The following ADAMTS2 variants were observed in gnomAD, a reference collection of about 807,000 sequenced individuals.
ADAMTS2 encodes the protein ADAM metallopeptidase with thrombospondin type 1 motif 2.
Under a neutral mutation model 123.0 loss-of-function variants are expected in ADAMTS2, and 50 were observed. That is an observed-to-expected ratio of 0.41 (90% confidence interval 0.32 to 0.51). ADAMTS2 has a LOEUF of 0.51. Ranked by LOEUF, ADAMTS2 falls within the 20% of genes least tolerant of loss-of-function variation. The pLI is 0.35. For synonymous variants in ADAMTS2, 678 were observed against 695.4 expected, an observed-to-expected ratio of 0.98 and a Z score of 0.39; for missense variants, 1,494 against 1,705.2, an observed-to-expected ratio of 0.88 and a Z score of 2.18.
chr5:179,318,296 T>C (rs528794825), intron 2 of ADAMTS2, among the ~76,000 whole-genome samples: 2 of 152,216 alleles, frequency 1.3e-5, no homozygotes, highest in Non-Finnish European at 2.9e-5. Context: ...ATTAATTAAA[T>C]GCGCTGCCGC....
At chr5:179,125,963 C>T in intron 18 of ADAMTS2, 35 bp downstream of exon 18, 1 of 1,612,808 alleles carries the variant, frequency 6.2e-7, no homozygotes, top group Non-Finnish European at 8.5e-7. Context: ...CCTGGCCTGT[C>T]TCCTCTAGTG....
At chr5:179,300,853 G>C (rs537129057) in intron 2 of ADAMTS2, among the ~76,000 whole-genome samples, 1 of 152,234 alleles carries the variant, frequency 6.6e-6, no homozygotes, top group East Asian at 1.9e-4. Context: ...CCAGCAGACA[G>C]ATAAACCGTT....
At chr5:179,320,884 C>T (rs926092744) in intron 2 of ADAMTS2, among the ~76,000 whole-genome samples, 6 of 152,142 alleles carry the variant, frequency 3.9e-5, no homozygotes, top group Admixed American at 3.9e-4. Context: ...GCAGCAGCTG[C>T]CTGCATCCAT....
At chr5:179,176,216 A>G (rs898505651) in intron 5 of ADAMTS2, among the ~76,000 whole-genome samples, 2 of 152,134 alleles carry the variant, frequency 1.3e-5, no homozygotes, top group African/African-American at 4.8e-5. Flanking sequence ...GGGGATCTGG[A>G]AAAGGAGGAG....
intron 10 of ADAMTS2, among the ~76,000 whole-genome samples, chr5:179,143,250 A>G (rs1367234318): frequency 1.3e-5 from 2 of 152,174 alleles, no homozygotes; most frequent in Admixed American, 1.3e-4. Context: ...CCTGGCCAAC[A>G]TGGTGAAACC....
At chr5:179,207,848 G>A (rs921003276) in intron 3 of ADAMTS2, 133 bp from the exon 4 acceptor site, 26 of 804,534 alleles carry the variant, frequency 3.2e-5, no homozygotes, top group African/African-American at 2.9e-4. Flanking sequence ...CCATTTTACA[G>A]AGGAAAGCGA....
intron 3 of ADAMTS2, among the ~76,000 whole-genome samples, chr5:179,255,200 T>C (rs1437887722): frequency 6.6e-6 from 1 of 152,070 alleles, no homozygotes; most frequent in South Asian, 2.1e-4. Flanking sequence ...GATAGATGAA[T>C]GGATGGACGG....
intron 3 of ADAMTS2, among the ~76,000 whole-genome samples, chr5:179,212,849 C>G (rs1266502848): frequency 6.6e-6 from 1 of 152,042 alleles, no homozygotes; most frequent in Non-Finnish European, 1.5e-5. Context: ...CTAAGGGTGG[C>G]TGGGTGTTCG....
At chr5:179,255,869 G>T (rs1297374992) in intron 3 of ADAMTS2, among the ~76,000 whole-genome samples, 7 of 152,176 alleles carry the variant, frequency 4.6e-5, no homozygotes, top group Non-Finnish European at 2.9e-5. Context: ...GGGCAGCCCT[G>T]GAGTGTGTGA....
intron 4 of ADAMTS2, among the ~76,000 whole-genome samples, chr5:179,200,244 CTTTTTTTTTTTTTT>C (rs1051856642): frequency 1.1e-4 from 11 of 103,694 alleles, no homozygotes; most frequent in Admixed American, 6.8e-4. Context: ...CCTTTCTTTC[CTTTTTTTTTTTTTT>C]TTTTTTTTGA....
intron 5 of ADAMTS2, among the ~76,000 whole-genome samples, chr5:179,177,300 A>G (rs1281012699): frequency 6.6e-6 from 1 of 152,216 alleles, no homozygotes; most frequent in Admixed American, 6.5e-5. Context: ...TTTATACATT[A>G]TTCAATTAAA....
In ADAMTS2 at chr5:179,203,971, A is replaced by C. The variant is rs1361884868; in HGVS notation, c.891+3542T>G. 3.9e-5 allele frequency among the ~76,000 whole-genome samples: 6 copies of C among 152,218 alleles called. No homozygotes were observed. The East Asian group carries it at 1.2e-3, about 29-fold the overall frequency. On this transcript the variant is annotated intron_variant, in intron 4 of 21. Transcript: ENST00000251582. ...AGTGCCCATGGATGGCTGGATAAAC[A>C]AAATGTGGCCGATCCACCCACACAC...
intron 21 of ADAMTS2, 197 bp downstream of exon 21, chr5:179,121,452 CAGCAGAGGCCCG>C: frequency 2.5e-6 from 1 of 400,246 alleles, no homozygotes; most frequent in Non-Finnish European, 4.5e-6. Flanking sequence ...GGTTCGGCCC[CAGCAGAGGCCCG>C]AGCCCCCGCC....
chr5:179,207,472 C>CCCCA, intron 4 of ADAMTS2, 41 bp downstream of exon 4: 18 of 925,660 alleles, frequency 1.9e-5, no homozygotes, highest in East Asian at 1.0e-4. Context: ...CCCTGGTTGA[C>CCCCA]CCTCCCCGCC....
chr5:179,336,091 G>A (rs533323562), intron 2 of ADAMTS2, among the ~76,000 whole-genome samples: 1 of 152,244 alleles, frequency 6.6e-6, no homozygotes, highest in Admixed American at 6.5e-5. Flanking sequence ...GCACAGAGCT[G>A]GTGAAGGCTG....
chr5:179,151,314 C>T (rs1261419584), intron 10 of ADAMTS2: 1 of 158,122 alleles, frequency 6.3e-6, no homozygotes, highest in African/African-American at 2.4e-5. Flanking sequence ...CAAGGATGGG[C>T]CTGGGAATTT....
intron 10 of ADAMTS2, among the ~76,000 whole-genome samples, chr5:179,141,063 C>T (rs915868455): frequency 6.6e-6 from 1 of 151,952 alleles, no homozygotes; most frequent in Non-Finnish European, 1.5e-5. Context: ...GATCCACCTG[C>T]CTCAGCCTTC....
intron 3 of ADAMTS2, among the ~76,000 whole-genome samples, chr5:179,218,759 G>A (rs534126363): frequency 1.6e-4 from 25 of 152,284 alleles, no homozygotes; most frequent in African/African-American, 4.8e-4. Context: ...GCTGCCCCGC[G>A]GACAGATGGA....
At chr5:179,275,725 G>A (rs1442309331) in intron 2 of ADAMTS2, among the ~76,000 whole-genome samples, 4 of 152,344 alleles carry the variant, frequency 2.6e-5, no homozygotes, top group Middle Eastern at 3.4e-3. Context: ...GTCTCCAGAG[G>A]GAGCGCAGCC....
Sources: gnomAD v4.1 joint callset for allele counts (sites outside exome capture counted in the v4.1 genomes callset) on GRCh38, gnomAD v4.1.1 for gene constraint, MANE v1.5 for transcripts, NCBI Gene and HGNC (gene_info 2026-07-23, HGNC 2026-07-21) for gene names.